Variants in BSPH1 observed in about 807,000 individuals in gnomAD.
The protein encoded by BSPH1 is binder of sperm protein homolog 1.
BSPH1 carries 21 observed loss-of-function variants against 22.5 expected under a neutral mutation model. The ratio of observed to expected loss-of-function variants is 0.93; its 90% CI spans 0.66 to 1.35. The LOEUF is 1.35. BSPH1 is among the 40% of genes most tolerant of loss of function. The pLI is 0.00. For missense variants in BSPH1, 141 were observed against 154.2 expected (o/e 0.91, Z 0.45); for synonymous variants, 42 against 53.6 (o/e 0.78, Z 0.95).
chr19:47,973,700 G>C (rs560162164), intron 5 of BSPH1, among the ~76,000 whole-genome samples: 1 of 152,110 alleles, frequency 6.6e-6, no homozygotes, highest in South Asian at 2.1e-4. Context: ...TATTACAAGA[G>C]AAATAAGCAA....
chr19:47,988,940 T>C (rs1969496642), intron 1 of BSPH1, among the ~76,000 whole-genome samples: 1 of 151,954 alleles, frequency 6.6e-6, no homozygotes, highest in South Asian at 2.1e-4. Context: ...GCTAGGCGTA[T>C]AGCTGATTTA....
intron 3 of BSPH1, among the ~76,000 whole-genome samples, chr19:47,978,006 A>ATATATATATATATT (rs2122247108): frequency 1.0e-5 from 1 of 96,672 alleles, no homozygotes; most frequent in South Asian, 2.6e-4. Context: ...TACAGGATAT[A>ATATATATATATATT]TATATATATA....
intron 1 of BSPH1, among the ~76,000 whole-genome samples, chr19:47,987,928 G>A (rs964859677): frequency 3.3e-5 from 5 of 151,998 alleles, no homozygotes; most frequent in East Asian, 1.9e-4. Flanking sequence ...CCCGGGAGGC[G>A]GAGGTTGCAG....
intron 1 of BSPH1, among the ~76,000 whole-genome samples, chr19:47,984,546 T>A (rs2386987): frequency 0.68 from 103,993 of 151,916 alleles, 36,070 homozygotes; most frequent in African/African-American, 0.79. Context: ...TAAACCCAAA[T>A]CGAAATTGTT....
At chr19:47,969,094 G>A (rs1163649299) in intron 5 of BSPH1, among the ~76,000 whole-genome samples, 1 of 151,968 alleles carries the variant, frequency 6.6e-6, no homozygotes, top group Non-Finnish European at 1.5e-5. Flanking sequence ...GTAGCCTGGA[G>A]ACTATTGTTG....
At position 47,979,638 on chromosome 19, in the gene BSPH1, T is replaced by C. The variant is rs771052432; in HGVS notation, c.95-39A>G. On this transcript the variant is annotated intron_variant, in intron 2 of 5. Transcript: ENST00000344839. ...TTTAGAGCTGACATTTATTTCACTATTATTAGGCTTTAAAATGGGCTCTTA... is the reference window on the plus strand; with the variant it reads ...TTTAGAGCTGACATTTATTTCACTACTATTAGGCTTTAAAATGGGCTCTTA... 8 of 942,040 alleles carry C rather than the reference T, an allele frequency of 8.5e-6. No homozygotes were observed. In the South Asian group the frequency reaches 9.5e-5, roughly 11 times the overall value. 58.4% of individuals were successfully genotyped at this position (942,040 alleles called of 1,614,324 possible). A position where few individuals can be genotyped will look rare whatever the true frequency, so the allele number is the denominator to read the frequency against.
At chr19:47,984,982 G>A (rs1049184158) in intron 1 of BSPH1, among the ~76,000 whole-genome samples, 6 of 150,242 alleles carry the variant, frequency 4.0e-5, no homozygotes, top group Non-Finnish European at 8.9e-5. Flanking sequence ...CAGGAGAATC[G>A]CTTGAACCTG....
intron 5 of BSPH1, among the ~76,000 whole-genome samples, chr19:47,969,684 G>GGAGAGAGA (rs10589898): frequency 0.06 from 6,862 of 113,622 alleles, 388 homozygotes; most frequent in Admixed American, 0.07. Flanking sequence ...AGGGAGAGGG[G>GGAGAGAGA]GAGAGAGAGA....
At chr19:47,985,360 G>GA (rs1360705117) in intron 1 of BSPH1, among the ~76,000 whole-genome samples, 15 of 151,612 alleles carry the variant, frequency 9.9e-5, no homozygotes, top group South Asian at 4.2e-4. Flanking sequence ...AGTGTTGAGA[G>GA]AAAAAAAAGT....
At chr19:47,989,922 C>G (rs1481294153) in intron 1 of BSPH1, among the ~76,000 whole-genome samples, 2 of 151,866 alleles carry the variant, frequency 1.3e-5, no homozygotes, top group African/African-American at 4.8e-5. Context: ...AGTTCGAGAC[C>G]AGCCTGGCCA....
intron 1 of BSPH1, among the ~76,000 whole-genome samples, chr19:47,984,320 G>A (rs1407165897): frequency 6.6e-6 from 1 of 150,900 alleles, no homozygotes; most frequent in East Asian, 1.9e-4. Context: ...TACAAAACTG[G>A]CTTTCTTTAT....
chr19:47,982,284 C>A (rs908848666), intron 1 of BSPH1, among the ~76,000 whole-genome samples: 2 of 152,196 alleles, frequency 1.3e-5, no homozygotes, highest in South Asian at 4.1e-4. Context: ...TTGTGGATTA[C>A]ACTTGAAAGA....
At chr19:47,976,646 ACT>A in intron 5 of BSPH1, 62 bp downstream of exon 5, 1 of 1,414,166 alleles carries the variant, frequency 7.1e-7, no homozygotes, top group Non-Finnish European at 9.6e-7. Flanking sequence ...GCCAACAAAA[ACT>A]CTAGGTTCTT....
intron 5 of BSPH1, among the ~76,000 whole-genome samples, chr19:47,969,771 T>G (rs1254688949): frequency 7.4e-6 from 1 of 136,040 alleles, no homozygotes; most frequent in Admixed American, 7.4e-5. Flanking sequence ...ACTTTAGAAT[T>G]TATTTGTGTG....
At chr19:47,967,299 C>T (rs1798407673), downstream of BSPH1, among the ~76,000 whole-genome samples, 1 of 152,214 alleles carries the variant, frequency 6.6e-6, no homozygotes, top group African/African-American at 2.4e-5. Flanking sequence ...TATGTTGCTG[C>T]AAAGGATACG....
At chr19:47,991,247 G>A (rs1966872434) in intron 1 of BSPH1, among the ~76,000 whole-genome samples, 1 of 152,034 alleles carries the variant, frequency 6.6e-6, no homozygotes. Flanking sequence ...CAAACCAGCA[G>A]GAGCCCCATG....
intron 2 of BSPH1, 76 bp from the exon 3 acceptor site, chr19:47,979,675 A>G (rs1969400193): frequency 1.6e-6 from 1 of 636,858 alleles, no homozygotes; most frequent in South Asian, 2.4e-5. Context: ...GTAAAATAAA[A>G]TTAAATAAAA....
chr19:47,972,168 A>G (rs1161034643), intron 5 of BSPH1, among the ~76,000 whole-genome samples: 3 of 152,356 alleles, frequency 2.0e-5, no homozygotes, highest in Middle Eastern at 6.8e-3. Flanking sequence ...AGTGGAATCT[A>G]AAATCTGCTA....
rs1966874833 is a variant in BSPH1, at chr19:47,991,700, C to T, written c.73+309G>A. On this transcript the variant is annotated intron_variant, in intron 1 of 5. Coordinates refer to ENST00000344839, the MANE Select transcript of BSPH1 (RefSeq NM_001128326.2). ...CTCCTCTTCCTTCTCTTTCTCCCCTCCTCCTCTCCTCCTCCTTCTTCCTAC... is the reference window on the plus strand; with the variant it reads ...CTCCTCTTCCTTCTCTTTCTCCCCTTCTCCTCTCCTCCTCCTTCTTCCTAC... 2.9e-5 allele frequency among the ~76,000 whole-genome samples: 3 copies of T among 103,356 alleles called. 1 individual carries two copies. Among genetic ancestry groups the T allele is most frequent in the Non-Finnish European group, 6.5e-5 (3 of 46,296 alleles). 67.8% of individuals were successfully genotyped at this position (103,356 alleles called of 152,430 possible). A position where few individuals can be genotyped will look rare whatever the true frequency, so the allele number is the denominator to read the frequency against.
Sources: allele counts gnomAD v4.1 joint callset (sites outside exome capture counted in the v4.1 genomes callset), GRCh38; gene constraint gnomAD v4.1.1; transcripts MANE v1.5; gene names NCBI Gene and HGNC (gene_info 2026-07-23, HGNC 2026-07-21).